Variants in ULK4 observed in about 807,000 individuals in gnomAD.
The protein encoded by ULK4 is unc-51 like kinase 4.
In ULK4, 133 loss-of-function variants were observed where a neutral mutation model predicts 160.6. The observed-to-expected ratio is 0.83, with a 90% CI of 0.72 to 0.96. The LOEUF is 0.96. ULK4 is among the 40% of genes least tolerant of loss of function. ULK4 has a pLI of 0.00. For synonymous variants in ULK4, 534 were observed against 539.8 expected (o/e 0.99, Z 0.15); for missense variants, 1,580 against 1,499.5 (o/e 1.05, Z -0.89).
chr3:41,917,254 A>G (rs1475713223), intron 7 of ULK4, among the ~76,000 whole-genome samples: 2 of 152,164 alleles, frequency 1.3e-5, no homozygotes, highest in African/African-American at 4.8e-5. Context: ...TTGAAATCCC[A>G]GCACTTTGAG....
intron 22 of ULK4, among the ~76,000 whole-genome samples, chr3:41,731,515 G>A (rs978467436): frequency 7.9e-5 from 12 of 151,922 alleles, no homozygotes; most frequent in African/African-American, 2.9e-4. Context: ...CCATGTTCAT[G>A]GATTAGAAAA....
At chr3:41,530,796 G>A (rs996754719) in intron 32 of ULK4, among the ~76,000 whole-genome samples, 3 of 151,982 alleles carry the variant, frequency 2.0e-5, no homozygotes. Flanking sequence ...ACGGAGTCTC[G>A]CTCTGTTGCC....
chr3:41,715,593 T>C (rs777722989), intron 23 of ULK4, 25 bp from the exon 24 acceptor site: 14 of 1,613,760 alleles, frequency 8.7e-6, no homozygotes, highest in Non-Finnish European at 1.1e-5. Context: ...CCAGAGCATA[T>C]GTGGAGGTTA....
chr3:41,355,500 G>C (rs1157606082), intron 35 of ULK4, among the ~76,000 whole-genome samples: 1 of 152,026 alleles, frequency 6.6e-6, no homozygotes, highest in Non-Finnish European at 1.5e-5. Flanking sequence ...AAGTCTTCAG[G>C]GCAGTATTCA....
chr3:41,389,605 C>T (rs1288645882), intron 35 of ULK4, among the ~76,000 whole-genome samples: 3 of 152,142 alleles, frequency 2.0e-5, no homozygotes, highest in Non-Finnish European at 2.9e-5. Flanking sequence ...TTGTCAAAGG[C>T]CTTTTCTGCA....
chr3:41,647,242 G>T (rs1234635587), intron 30 of ULK4, among the ~76,000 whole-genome samples: 1 of 152,360 alleles, frequency 6.6e-6, no homozygotes, highest in South Asian at 2.1e-4. Flanking sequence ...GTGAGGAACT[G>T]CATTCCTTTG....
At chr3:41,529,471 T>C (rs1319361964) in intron 32 of ULK4, among the ~76,000 whole-genome samples, 2 of 152,152 alleles carry the variant, frequency 1.3e-5, no homozygotes, top group East Asian at 1.9e-4. Flanking sequence ...TATCTGAACA[T>C]ATAAGAGCTT....
At chr3:41,472,033 A>T (rs2084007480) in intron 32 of ULK4, among the ~76,000 whole-genome samples, 1 of 151,872 alleles carries the variant, frequency 6.6e-6, no homozygotes, top group South Asian at 2.1e-4. Flanking sequence ...TAGAAAAGCA[A>T]TACTAAAATA....
intron 35 of ULK4, among the ~76,000 whole-genome samples, chr3:41,259,251 T>TC (rs2078900292): frequency 6.6e-6 from 1 of 152,162 alleles, no homozygotes; most frequent in Non-Finnish European, 1.5e-5. Context: ...GATGGTAGTG[T>TC]CCTACAGAAT....
intron 35 of ULK4, among the ~76,000 whole-genome samples, chr3:41,378,673 C>T (rs1418393838): frequency 6.6e-6 from 1 of 151,292 alleles, no homozygotes; most frequent in Non-Finnish European, 1.5e-5. Flanking sequence ...AAAGATATAC[C>T]TAATGTAAAT....
chr3:41,537,318 C>T (rs1370586885), intron 32 of ULK4, among the ~76,000 whole-genome samples: 1 of 152,170 alleles, frequency 6.6e-6, no homozygotes, highest in African/African-American at 2.4e-5. Flanking sequence ...GGCTTGATAG[C>T]TTTTATGGCT....
chr3:41,490,649 G>A (rs79072217), intron 32 of ULK4, among the ~76,000 whole-genome samples: 3,588 of 152,200 alleles, frequency 0.024, 144 homozygotes, highest in African/African-American at 0.08. Context: ...AACTCTATTT[G>A]AAGGCAAAAC....
chr3:41,607,876 AC>A (rs2032460263), intron 31 of ULK4, among the ~76,000 whole-genome samples: 1 of 152,320 alleles, frequency 6.6e-6, no homozygotes, highest in Admixed American at 6.5e-5. Flanking sequence ...AAAGACAGAT[AC>A]AAACTAATAT....
intron 21 of ULK4, among the ~76,000 whole-genome samples, chr3:41,756,662 T>G (rs1269802193): frequency 6.6e-6 from 1 of 152,042 alleles, no homozygotes. Flanking sequence ...CAGAGAAAAC[T>G]CAGGAGAAAA....
chr3:41,754,960 CT>C (rs1402059781), intron 21 of ULK4, among the ~76,000 whole-genome samples: 1 of 152,164 alleles, frequency 6.6e-6, no homozygotes, highest in African/African-American at 2.4e-5. Context: ...AAAGACAATA[CT>C]CAATACATGA....
At chr3:41,845,542 G>C (rs1168363502) in intron 17 of ULK4, among the ~76,000 whole-genome samples, 1 of 152,134 alleles carries the variant, frequency 6.6e-6, no homozygotes, top group African/African-American at 2.4e-5. Context: ...AGGGTAAGAG[G>C]ATAGGGTCAT....
At chr3:41,802,008 C>T (rs543673415) in intron 19 of ULK4, among the ~76,000 whole-genome samples, 7 of 149,148 alleles carry the variant, frequency 4.7e-5, no homozygotes, top group African/African-American at 1.7e-4. Flanking sequence ...ATTTTAAGTA[C>T]CAAAAGAAAA....
intron 35 of ULK4, among the ~76,000 whole-genome samples, chr3:41,374,297 A>G (rs1003918862): frequency 1.3e-5 from 2 of 152,214 alleles, no homozygotes; most frequent in African/African-American, 4.8e-5. Flanking sequence ...TAAGGCCAGC[A>G]TCATCCTGAT....
At chr3:41,640,564 C>T (rs1242526686) in intron 30 of ULK4, among the ~76,000 whole-genome samples, 2 of 152,168 alleles carry the variant, frequency 1.3e-5, no homozygotes, top group Non-Finnish European at 2.9e-5. Context: ...CCCACCCCTC[C>T]TGAGCTCTGT....
Sources: allele counts gnomAD v4.1 joint callset (sites outside exome capture counted in the v4.1 genomes callset), GRCh38; gene constraint gnomAD v4.1.1; transcripts MANE v1.5; gene names NCBI Gene and HGNC (gene_info 2026-07-23, HGNC 2026-07-21).